CPSF4: variants seen among roughly 807,000 people sequenced by gnomAD.
CPSF4 encodes cleavage and polyadenylation specificity factor subunit 4.
In CPSF4, 11 loss-of-function variants were observed where a neutral mutation model predicts 37.7. The observed-to-expected ratio is 0.29, with a 90% CI of 0.18 to 0.48. CPSF4 has a LOEUF of 0.48. Ranked by LOEUF, CPSF4 falls within the 20% of genes least tolerant of loss-of-function variation. The pLI is 0.99. For synonymous variants in CPSF4, 132 were observed against 135.9 expected (o/e 0.97, Z 0.20); for missense variants, 144 against 359.5 (o/e 0.40, Z 4.85).
At chr7:99,445,322 G>A (rs372166865) in intron 2 of CPSF4, among the ~76,000 whole-genome samples, 25 of 151,998 alleles carry the variant, frequency 1.6e-4, no homozygotes, top group African/African-American at 6.0e-4. Flanking sequence ...ACTGAGGTGC[G>A]AGAATCCCTT....
chr7:99,439,268 C>A (rs1014506057), intron 1 of CPSF4, 83 bp downstream of exon 1: 3 of 1,046,510 alleles, frequency 2.9e-6, no homozygotes, highest in Non-Finnish European at 4.1e-6. Flanking sequence ...TCCCTCGCCT[C>A]GGTCCTGAGA....
intron 1 of CPSF4, among the ~76,000 whole-genome samples, chr7:99,440,572 G>A (rs775551163): frequency 7.4e-5 from 11 of 149,230 alleles, no homozygotes; most frequent in Non-Finnish European, 1.6e-4. Flanking sequence ...CCCAGGGTTG[G>A]TCTTGAACTC....
chr7:99,449,935 G>C (rs1318346505), intron 3 of CPSF4, among the ~76,000 whole-genome samples: 3 of 152,102 alleles, frequency 2.0e-5, no homozygotes, highest in African/African-American at 7.2e-5. Flanking sequence ...GATTGGAGAA[G>C]GTGAGCCTGG....
Position 99,447,621 on chromosome 7 carries a change from G to A in CPSF4, c.155-500G>A, listed in dbSNP as rs1474460427. Among the ~76,000 whole-genome samples the A allele has an allele frequency of 3.5e-5, 4 of 115,498 alleles. No individual in the cohort carries two copies. The East Asian group carries it at 1.1e-3, about 31-fold the overall frequency. 75.8% of individuals were successfully genotyped at this position (115,498 alleles called of 152,430 possible). The stretch of plus-strand genomic sequence containing the variant: ...TTTTTTTTTTTTGAAAAGGTGTCTT[G>A]CTCTGTTGCCCAGGCTGGTGTGCAG... On this transcript the variant is annotated intron_variant, in intron 2 of 7. Coordinates refer to ENST00000292476, the MANE Select transcript of CPSF4 (RefSeq NM_006693.4).
Position 99,448,587 on chromosome 7 carries a change from A to G in CPSF4, c.307+314A>G. The G allele has an allele frequency of 3.9e-6, 1 of 254,772 alleles. No homozygotes were observed. The highest frequency in any genetic ancestry group is 5.7e-5 in the South Asian group (1 of 17,660). 15.8% of individuals were successfully genotyped at this position (254,772 alleles called of 1,614,324 possible). A position where few individuals can be genotyped will look rare whatever the true frequency, so the allele number is the denominator to read the frequency against. ...AGTGCTGGGATTACAGGCGTGAGCC[A>G]CCACGCCTGGCCCCGCGCATCACTT... On this transcript the variant is annotated intron_variant, in intron 3 of 7. Coordinates refer to ENST00000292476, the MANE Select transcript of CPSF4 (RefSeq NM_006693.4). This position sits in a 1 kb window ranked among gnomAD's most constrained non-coding sequence, Gnocchi z 4.4.
At chr7:99,440,674 A>ATATATTTTTTTTTTT in intron 1 of CPSF4, among the ~76,000 whole-genome samples, 1 of 88,130 alleles carries the variant, frequency 1.1e-5, no homozygotes, top group African/African-American at 9.7e-5. Context: ...ATATATATAT[A>ATATATTTTTTTTTTT]TTTTTTTTTT....
At position 99,440,674 on chromosome 7, in the gene CPSF4, A is replaced by ATATATATATTTTTTTTTTT; in HGVS notation, c.103+1490_103+1491insATATATATTTTTTTTTTTT. 4.1e-3 allele frequency among the ~76,000 whole-genome samples: 363 copies of ATATATATATTTTTTTTTTT among 87,976 alleles called. 5 individuals are homozygous for ATATATATATTTTTTTTTTT. Among genetic ancestry groups the ATATATATATTTTTTTTTTT allele is most frequent in the Middle Eastern group, 9.9e-3 (2 of 202 alleles). 57.7% of individuals were successfully genotyped at this position (87,976 alleles called of 152,430 possible). A position where few individuals can be genotyped will look rare whatever the true frequency, so the allele number is the denominator to read the frequency against. On this transcript the variant is annotated intron_variant, in intron 1 of 7. Coordinates refer to ENST00000292476, the MANE Select transcript of CPSF4 (RefSeq NM_006693.4). ...ACCTGGCATATATATATATATATATATTTTTTTTTTTTTTTTTTTCCTGCC... is the reference window on the plus strand; with the variant it reads ...ACCTGGCATATATATATATATATATATATATATATTTTTTTTTTTTTTTTTTTTTTTTTTTTTTCCTGCC...
chr7:99,442,913 C>T (rs1260010640), intron 1 of CPSF4: 1 of 1,445,044 alleles, frequency 6.9e-7, no homozygotes, highest in East Asian at 2.3e-5. Context: ...CTGCTCTTTT[C>T]CTCTTCTTTG....
In CPSF4 at chr7:99,450,815, G is replaced by A. The variant is rs374028074; in HGVS notation, c.497+20G>A. On this transcript the variant is annotated intron_variant, in intron 5 of 7. Transcript: ENST00000292476. ...CATGCAGTGAGTAGCCAGCTGCTCCGCCCTCTACCCCAGCTCCCGGCCCAG... is the reference window on the plus strand; with the variant it reads ...CATGCAGTGAGTAGCCAGCTGCTCCACCCTCTACCCCAGCTCCCGGCCCAG... The A allele has an allele frequency of 1.8e-5, 29 of 1,571,342 alleles. No individual in the cohort carries two copies. The highest frequency in any genetic ancestry group is 4.0e-5 in the African/African-American group (3 of 74,120).
rs527303670 is a variant in CPSF4 at position 99,445,839 on chromosome 7, G to A, written c.154+1000G>A. Among the ~76,000 whole-genome samples the A allele has an allele frequency of 4.6e-5, 7 of 152,050 alleles. 2 individuals carry two copies. The South Asian group carries it at 1.0e-3, about 23-fold the overall frequency. ...GCAGAGGTTGTAGTGAGCCAAGATCGCACCACTGCACTCCAGCCTAGGTAA... is the reference window on the plus strand; with the variant it reads ...GCAGAGGTTGTAGTGAGCCAAGATCACACCACTGCACTCCAGCCTAGGTAA... On this transcript the variant is annotated intron_variant, in intron 2 of 7. Coordinates refer to ENST00000292476, the MANE Select transcript of CPSF4 (RefSeq NM_006693.4).
rs1397123093 is a variant in CPSF4 at position 99,448,531 on chromosome 7, C to T, written c.307+258C>T. The T allele has an allele frequency of 1.2e-5, 4 of 338,874 alleles. No individual in the cohort carries two copies. In the Admixed American group the frequency reaches 1.9e-4, roughly 16 times the overall value. 21.0% of individuals were successfully genotyped at this position (338,874 alleles called of 1,614,324 possible). Reference sequence around the variant, plus strand: ...CACATACTGGTCTTGAACTCCTGGGCTCGAGTGATCTGCCTGCCTCAGCCT... The same window carrying T: ...CACATACTGGTCTTGAACTCCTGGGTTCGAGTGATCTGCCTGCCTCAGCCT... On this transcript the variant is annotated intron_variant, in intron 3 of 7. Coordinates refer to ENST00000292476, the MANE Select transcript of CPSF4 (RefSeq NM_006693.4). This position sits in a 1 kb window ranked among gnomAD's most constrained non-coding sequence, Gnocchi z 4.4.
At chr7:99,442,680 A>C (rs1175571363) in intron 1 of CPSF4, among the ~76,000 whole-genome samples, 1 of 151,086 alleles carries the variant, frequency 6.6e-6, no homozygotes, top group Non-Finnish European at 1.5e-5. Context: ...AAAAAACAAA[A>C]AACAAGCAAT....
At chr7:99,440,700 T>C (rs993713580) in intron 1 of CPSF4, among the ~76,000 whole-genome samples, 2 of 132,378 alleles carry the variant, frequency 1.5e-5, no homozygotes, top group Non-Finnish European at 3.1e-5. Context: ...TTTTCCTGCC[T>C]GTCCCACAAC....
chr7:99,445,843 C>A (rs1797448882), intron 2 of CPSF4, among the ~76,000 whole-genome samples: 2 of 152,114 alleles, frequency 1.3e-5, no homozygotes, highest in East Asian at 1.9e-4. Context: ...AAGATCGCAC[C>A]ACTGCACTCC....
chr7:99,448,618 T>A lies in CPSF4; in HGVS notation c.307+345T>A, dbSNP rs576117022. ...CCTGGCCCCGCGCATCACTTTGGAG[T>A]GCTTCAGTGTTTGGAGCTCTTTCAA... On this transcript the variant is annotated intron_variant, in intron 3 of 7. Transcript: ENST00000292476. The surrounding 1 kb of genome is among the most constrained non-coding windows in gnomAD (Gnocchi z 4.4). 5.1e-4 allele frequency: 100 copies of A among 194,500 alleles called. No homozygotes were observed. Among genetic ancestry groups the A allele is most frequent in the African/African-American group, 2.3e-3 (98 of 42,430 alleles). 12.0% of individuals were successfully genotyped at this position (194,500 alleles called of 1,614,324 possible). A position where few individuals can be genotyped will look rare whatever the true frequency, so the allele number is the denominator to read the frequency against.
At chr7:99,441,569 C>G in intron 1 of CPSF4, 2 of 455,810 alleles carry the variant, frequency 4.4e-6, no homozygotes, top group South Asian at 1.6e-5. Flanking sequence ...TTGGGAAGAA[C>G]TGTCACTTTG....
In CPSF4 at chr7:99,453,450, C is replaced by T. The variant is rs977750828; in HGVS notation, c.571-516C>T. Among the ~76,000 whole-genome samples the T allele has an allele frequency of 3.3e-5, 5 of 152,158 alleles. No homozygotes were observed. The highest frequency in any genetic ancestry group is 5.9e-5 in the Non-Finnish European group (4 of 68,008). ...CTTACGGGCCAGAGCCAGGAGCCCA[C>T]CTGGTGGGGAGGAGGCCCTGCTGTG... On this transcript the variant is annotated intron_variant, in intron 6 of 7. Transcript: ENST00000292476. The surrounding 1 kb of genome is among the most constrained non-coding windows in gnomAD (Gnocchi z 4.7).
intron 1 of CPSF4, among the ~76,000 whole-genome samples, chr7:99,440,672 ATATT>A (rs1212878883): frequency 1.1e-4 from 9 of 81,940 alleles, no homozygotes; most frequent in African/African-American, 9.3e-4. Context: ...ATATATATAT[ATATT>A]TTTTTTTTTT....
intron 1 of CPSF4, among the ~76,000 whole-genome samples, chr7:99,440,137 A>G (rs950074381): frequency 2.0e-5 from 3 of 152,208 alleles, no homozygotes; most frequent in African/African-American, 7.2e-5. Context: ...TTCAATCCAC[A>G]GATGGGGAAA....
Sources: gnomAD v4.1 joint callset for allele counts (sites outside exome capture counted in the v4.1 genomes callset) on GRCh38, gnomAD v4.1.1 for gene constraint, Gnocchi (gnomAD v3.1) non-coding constraint, MANE v1.5 for transcripts, NCBI Gene and HGNC (gene_info 2026-07-23, HGNC 2026-07-21) for gene names.